The following FAM3D variants were observed in gnomAD, a reference collection of about 807,000 sequenced individuals.
The protein encoded by FAM3D is FAM3 metabolism regulating signaling molecule D.
In FAM3D, 26 loss-of-function variants were observed where a neutral mutation model predicts 29.8. The ratio of observed to expected loss-of-function variants is 0.87; its 90% CI spans 0.64 to 1.21. The LOEUF is 1.21. FAM3D is among the 50% of genes most tolerant of loss of function. The pLI, the probability that FAM3D is intolerant of heterozygous loss-of-function variation, is 0.00. For synonymous variants in FAM3D, 115 were observed against 102.3 expected, an observed-to-expected ratio of 1.12 and a Z score of -0.75; for missense variants, 253 against 290.9, an observed-to-expected ratio of 0.87 and a Z score of 0.95.
chr3:58,639,007 C>G (rs1331692305), intron 7 of FAM3D, among the ~76,000 whole-genome samples: 1 of 152,226 alleles, frequency 6.6e-6, no homozygotes, highest in Non-Finnish European at 1.5e-5. Context: ...CCATCATCCC[C>G]TTTTGTTTCC....
chr3:58,662,828 C>A (rs4453859), intron 1 of FAM3D, among the ~76,000 whole-genome samples: 38,559 of 152,194 alleles, frequency 0.25, 5,420 homozygotes, highest in East Asian at 0.39. Context: ...TGAGTATGAT[C>A]TATCTCTGGG....
intron 7 of FAM3D, among the ~76,000 whole-genome samples, chr3:58,637,957 T>G (rs2066222954): frequency 6.6e-6 from 1 of 152,094 alleles, no homozygotes; most frequent in South Asian, 2.1e-4. Flanking sequence ...CGATCTGCGC[T>G]CATTGCAACC....
chr3:58,647,561 G>C (rs913967175), intron 4 of FAM3D, among the ~76,000 whole-genome samples: 2 of 152,240 alleles, frequency 1.3e-5, no homozygotes, highest in Admixed American at 1.3e-4. Flanking sequence ...ATCAATTGCA[G>C]CTAAGTCTGA....
At position 58,636,428 on chromosome 3, in the gene FAM3D, G is replaced by C. The variant is rs910225914; in HGVS notation, c.459-8C>G. 7 of 1,613,772 alleles carry C rather than the reference G, an allele frequency of 4.3e-6. No individual in the cohort carries two copies. Among genetic ancestry groups the C allele is most frequent in the South Asian group, 1.1e-5 (1 of 91,054 alleles). On this transcript the variant is annotated splice_polypyrimidine_tract_variant and splice_region_variant and intron_variant, in intron 8 of 9. Transcript: ENST00000358781. ...CTGCTTTCATCGTTCATTCTGCAGA[G>C]GACCAGAGAGGATGGTCAGGATGCG...
intron 2 of FAM3D, 47 bp downstream of exon 2, chr3:58,655,504 G>A: frequency 6.2e-7 from 1 of 1,611,640 alleles, no homozygotes; most frequent in South Asian, 1.1e-5. Context: ...AGGATGGGTG[G>A]ACACAGCTGA....
rs762711038 is a variant in FAM3D at position 58,649,340 on chromosome 3, T to C, written c.122-2A>G. On this transcript the variant is annotated splice_acceptor_variant, in intron 3 of 9. Coordinates refer to ENST00000358781, the MANE Select transcript of FAM3D (RefSeq NM_138805.3). LOFTEE classifies it high-confidence loss of function. ...GGATCTCCTTGGTGGGCGAGGCTGC[T>C]GGAGAGAAGACAGAATCTGGTTAGA... 2 of 1,612,344 alleles carry C rather than the reference T, an allele frequency of 1.2e-6. No homozygotes were observed. Among genetic ancestry groups the C allele is most frequent in the East Asian group, 4.5e-5 (2 of 44,750 alleles).
At chr3:58,649,140 A>T (rs1260998141) in intron 4 of FAM3D, among the ~76,000 whole-genome samples, 175 bp downstream of exon 4, 1 of 152,222 alleles carries the variant, frequency 6.6e-6, no homozygotes, top group African/African-American at 2.4e-5. Flanking sequence ...TAGAGGCTTC[A>T]GAAGGCACCA....
At chr3:58,646,926 G>C (rs2066499575) in intron 4 of FAM3D, among the ~76,000 whole-genome samples, 1 of 152,190 alleles carries the variant, frequency 6.6e-6, no homozygotes, top group Non-Finnish European at 1.5e-5. Context: ...GAGGTTTCCA[G>C]GGCCCTCCCT....
At chr3:58,639,673 G>C (rs1446444015) in intron 7 of FAM3D, among the ~76,000 whole-genome samples, 1 of 152,188 alleles carries the variant, frequency 6.6e-6, no homozygotes, top group Non-Finnish European at 1.5e-5. Flanking sequence ...CATCCTGGGG[G>C]AGTGTCAGAA....
chr3:58,656,527 C>A (rs1390750756), intron 1 of FAM3D, among the ~76,000 whole-genome samples: 1 of 151,556 alleles, frequency 6.6e-6, no homozygotes, highest in African/African-American at 2.4e-5. Flanking sequence ...TGTCACCCCC[C>A]AGGTGCTGGG....
At chr3:58,637,074 T>G (rs1335418657) in intron 8 of FAM3D, 67 bp downstream of exon 8, 1 of 1,332,096 alleles carries the variant, frequency 7.5e-7, no homozygotes, top group African/African-American at 1.5e-5. Context: ...CAGAAAAGGG[T>G]GTGCAGGGTT....
intron 1 of FAM3D, among the ~76,000 whole-genome samples, 197 bp from the exon 2 acceptor site, chr3:58,655,798 G>A (rs2066777973): frequency 6.6e-6 from 1 of 152,168 alleles, no homozygotes; most frequent in Admixed American, 6.5e-5. Context: ...CTTGCCCCTG[G>A]AGTTTTATAT....
chr3:58,634,477 A>C lies in FAM3D; in HGVS notation c.586-109T>G. ...CTAAATGGGGGTGTGGGATGTTATT[A>C]ACCCACTTCACAGATGGGGAAACTG... On this transcript the variant is annotated intron_variant, in intron 9 of 9. Transcript: ENST00000358781. This position sits in a 1 kb window ranked among gnomAD's most constrained non-coding sequence, Gnocchi z 4.6. The C allele has an allele frequency of 2.2e-6, 2 of 908,986 alleles. No homozygotes were observed. Among genetic ancestry groups the C allele is most frequent in the African/African-American group, 1.7e-5 (1 of 59,378 alleles). 56.3% of individuals were successfully genotyped at this position (908,986 alleles called of 1,614,324 possible). A position where few individuals can be genotyped will look rare whatever the true frequency, so the allele number is the denominator to read the frequency against.
intron 1 of FAM3D, among the ~76,000 whole-genome samples, chr3:58,662,894 T>A (rs1053274447): frequency 2.0e-5 from 3 of 152,212 alleles, no homozygotes; most frequent in African/African-American, 7.2e-5. Flanking sequence ...GACCAGAGCC[T>A]TCCTAGCACT....
intron 1 of FAM3D, among the ~76,000 whole-genome samples, chr3:58,664,497 G>T (rs1559511123): frequency 6.6e-6 from 1 of 152,186 alleles, no homozygotes; most frequent in Non-Finnish European, 1.5e-5. Context: ...GTCCTATATT[G>T]TGCACCTACT....
chr3:58,639,993 CA>C, intron 7 of FAM3D, 133 bp downstream of exon 7: 1 of 883,908 alleles, frequency 1.1e-6, no homozygotes, highest in East Asian at 2.4e-5. Flanking sequence ...CCCCCCACCG[CA>C]CCTCTTCCTG....
Position 58,634,508 on chromosome 3 carries a change from C to T in FAM3D, c.586-140G>A. The T allele has an allele frequency of 1.5e-6, 1 of 686,388 alleles. No homozygotes were observed. The allele number at this position is 686,388 out of a possible 1,614,324, so 42.5% of individuals were successfully genotyped here. Reference sequence around the variant, plus strand: ...CTTCACAGATGGGGAAACTGAGGCTCAGAGAGGGGATGCAACTTGCTCAAG... The same window carrying T: ...CTTCACAGATGGGGAAACTGAGGCTTAGAGAGGGGATGCAACTTGCTCAAG... On this transcript the variant is annotated intron_variant, in intron 9 of 9. Transcript: ENST00000358781. The surrounding 1 kb of genome is among the most constrained non-coding windows in gnomAD (Gnocchi z 4.6).
At chr3:58,641,446 G>A (rs1204614427) in intron 6 of FAM3D, among the ~76,000 whole-genome samples, 1 of 151,480 alleles carries the variant, frequency 6.6e-6, no homozygotes, top group Non-Finnish European at 1.5e-5. Flanking sequence ...CTGCAACCTC[G>A]ACCTCCCAGG....
chr3:58,646,088 C>T (rs765594191), intron 4 of FAM3D, among the ~76,000 whole-genome samples: 20 of 152,202 alleles, frequency 1.3e-4, no homozygotes, highest in Non-Finnish European at 1.8e-4. Context: ...CTCCTTGCAC[C>T]TCATCTTATC....
Sources: gnomAD v4.1 joint callset for allele counts (sites outside exome capture counted in the v4.1 genomes callset) on GRCh38, gnomAD v4.1.1 for gene constraint, Gnocchi (gnomAD v3.1) non-coding constraint, MANE v1.5 for transcripts, NCBI Gene and HGNC (gene_info 2026-07-23, HGNC 2026-07-21) for gene names.